The following PCCA variants were observed in gnomAD, a reference collection of about 807,000 sequenced individuals.
The protein encoded by PCCA is propionyl-CoA carboxylase subunit alpha.
Under a neutral mutation model 101.3 loss-of-function variants are expected in PCCA, and 74 were observed. The observed-to-expected ratio is 0.73, with a 90% CI of 0.61 to 0.89. PCCA has a LOEUF of 0.89. PCCA is among the 40% of genes least tolerant of loss of function. The pLI, the probability that PCCA is intolerant of heterozygous loss-of-function variation, is 0.00. For missense variants in PCCA, 891 were observed against 907.0 expected (o/e 0.98, Z 0.23); for synonymous variants, 294 against 313.6 (o/e 0.94, Z 0.66).
At chr13:100,512,578 G>C (rs1252227107) in intron 21 of PCCA, among the ~76,000 whole-genome samples, 1 of 152,160 alleles carries the variant, frequency 6.6e-6, no homozygotes, top group African/African-American at 2.4e-5. Flanking sequence ...ACTGGAGCGA[G>C]TCATCTTCCG....
chr13:100,370,049 A>G (rs1449214472), intron 19 of PCCA, among the ~76,000 whole-genome samples: 2 of 141,960 alleles, frequency 1.4e-5, no homozygotes, highest in Non-Finnish European at 3.1e-5. Context: ...AAAACTGTCT[A>G]GATTACTTTT....
intron 21 of PCCA, among the ~76,000 whole-genome samples, chr13:100,455,740 C>T (rs553108853): frequency 2.2e-4 from 34 of 152,138 alleles, no homozygotes; most frequent in African/African-American, 7.5e-4. Flanking sequence ...CCCTCTGTCA[C>T]CCAGGCTGGT....
intron 4 of PCCA, among the ~76,000 whole-genome samples, chr13:100,142,997 G>A (rs1159407738): frequency 6.6e-6 from 1 of 152,140 alleles, no homozygotes; most frequent in Non-Finnish European, 1.5e-5. Flanking sequence ...CACATTTTGG[G>A]CTCTGATTCT....
intron 12 of PCCA, among the ~76,000 whole-genome samples, chr13:100,287,457 A>G (rs1397509931): frequency 3.9e-5 from 6 of 152,082 alleles, no homozygotes; most frequent in African/African-American, 1.4e-4. Context: ...TTCCAGTGAC[A>G]TGGAACTAAA....
chr13:100,222,685 T>A (rs1157345617), intron 7 of PCCA, among the ~76,000 whole-genome samples: 1 of 152,228 alleles, frequency 6.6e-6, no homozygotes, highest in Non-Finnish European at 1.5e-5. Context: ...GGTAATTCTG[T>A]CTTTTAAAAA....
intron 4 of PCCA, among the ~76,000 whole-genome samples, chr13:100,114,647 A>C (rs994660352): frequency 3.3e-5 from 5 of 152,230 alleles, no homozygotes; most frequent in Non-Finnish European, 7.3e-5. Context: ...TCTCAAAAGA[A>C]GACATACAAA....
intron 19 of PCCA, among the ~76,000 whole-genome samples, chr13:100,419,912 G>A (rs964626388): frequency 1.3e-5 from 2 of 152,204 alleles, no homozygotes; most frequent in African/African-American, 4.8e-5. Context: ...CAATTTCAGG[G>A]CAAATTATAT....
At chr13:100,154,728 A>G (rs2053693092) in intron 4 of PCCA, 1 of 455,402 alleles carries the variant, frequency 2.2e-6, no homozygotes, top group Non-Finnish European at 4.0e-6. Context: ...GTGATTTTAC[A>G]TAAAGAGATA....
chr13:100,510,995 TGTG>T (rs1238193252), intron 21 of PCCA, among the ~76,000 whole-genome samples: 1 of 152,162 alleles, frequency 6.6e-6, no homozygotes, highest in Non-Finnish European at 1.5e-5. Flanking sequence ...CTTGGAGATT[TGTG>T]GTGGTGGTGG....
intron 4 of PCCA, chr13:100,150,832 A>T: frequency 6.3e-7 from 1 of 1,583,314 alleles, no homozygotes; most frequent in East Asian, 2.2e-5. Context: ...GCTGGTTAAC[A>T]CCATGATGGA....
chr13:100,125,547 G>C (rs1223729532), intron 4 of PCCA, among the ~76,000 whole-genome samples: 2 of 152,126 alleles, frequency 1.3e-5, no homozygotes, highest in African/African-American at 4.8e-5. Flanking sequence ...TTTAAAACTT[G>C]CTATTGCTCA....
chr13:100,286,547 G>A (rs771834299), intron 12 of PCCA, among the ~76,000 whole-genome samples: 1 of 152,196 alleles, frequency 6.6e-6, no homozygotes, highest in Non-Finnish European at 1.5e-5. Context: ...AAAGTAGAAG[G>A]CAACGAATTG....
chr13:100,518,043 G>A (rs958421679), intron 22 of PCCA, among the ~76,000 whole-genome samples: 8 of 152,148 alleles, frequency 5.3e-5, no homozygotes, highest in African/African-American at 1.7e-4. Flanking sequence ...AACAATAGCC[G>A]GGCGAGGTTC....
At chr13:100,239,017 C>G (rs950755169) in intron 8 of PCCA, among the ~76,000 whole-genome samples, 2 of 152,136 alleles carry the variant, frequency 1.3e-5, no homozygotes, top group African/African-American at 2.4e-5. Flanking sequence ...TTCCTCCTCT[C>G]TCATGTCTTT....
intron 20 of PCCA, among the ~76,000 whole-genome samples, chr13:100,440,180 A>G: frequency 1.2e-5 from 1 of 81,798 alleles, no homozygotes; most frequent in South Asian, 4.4e-4. Flanking sequence ...ATATATATAT[A>G]TATATATATA....
intron 6 of PCCA, among the ~76,000 whole-genome samples, chr13:100,165,437 G>A (rs1419860045): frequency 6.6e-6 from 1 of 152,096 alleles, no homozygotes; most frequent in Non-Finnish European, 1.5e-5. Context: ...ATATGTTTAT[G>A]CTTGTTAGTC....
At chr13:100,491,711 G>T (rs1306777800) in intron 21 of PCCA, 1 of 1,301,518 alleles carries the variant, frequency 7.7e-7, no homozygotes, top group Non-Finnish European at 1.0e-6. Context: ...CGGCCTGGTG[G>T]CTGGCTCAGC....
intron 8 of PCCA, among the ~76,000 whole-genome samples, chr13:100,252,450 A>G (rs1186365504): frequency 6.6e-6 from 1 of 152,130 alleles, no homozygotes; most frequent in Non-Finnish European, 1.5e-5. Context: ...CTTTCCCATT[A>G]GTATATTCTA....
intron 17 of PCCA, among the ~76,000 whole-genome samples, chr13:100,331,934 ATTTTTT>A (rs34411352): frequency 3.3e-5 from 3 of 89,768 alleles, no homozygotes; most frequent in East Asian, 6.6e-4. Flanking sequence ...ATTACTTTGG[ATTTTTT>A]TTTTTTTTTT....
Sources: gnomAD v4.1 joint callset for allele counts (sites outside exome capture counted in the v4.1 genomes callset) on GRCh38, gnomAD v4.1.1 for gene constraint, MANE v1.5 for transcripts, NCBI Gene and HGNC (gene_info 2026-07-23, HGNC 2026-07-21) for gene names.